The following BTG4 variants were observed in gnomAD, a reference collection of about 807,000 sequenced individuals.
BTG4 encodes the protein protein BTG4.
A neutral mutation model predicts 19.3 loss-of-function variants in BTG4; 10 were observed. The observed-to-expected ratio is 0.52, with a 90% confidence interval of 0.32 to 0.88. The LOEUF (loss-of-function observed/expected upper bound fraction) is 0.88. Ranked by LOEUF, BTG4 falls within the 40% of genes least tolerant of loss-of-function variation. The probability of loss-of-function intolerance (pLI) is 0.04; values close to 1 mark genes in which losing one functional copy is unlikely to be tolerated. For synonymous variants in BTG4, 91 were observed against 95.7 expected (o/e 0.95, Z 0.29); for missense variants, 238 against 281.9 (o/e 0.84, Z 1.11).
intron 1 of BTG4, among the ~76,000 whole-genome samples, chr11:111,500,857 T>C (rs983358770): frequency 6.6e-6 from 1 of 152,144 alleles, no homozygotes; most frequent in African/African-American, 2.4e-5. Flanking sequence ...AAGTACTCTT[T>C]TTCATTAATG....
the BTG4 span, among the ~76,000 whole-genome samples, chr11:111,419,788 C>T: frequency 2.0e-5 from 3 of 152,266 alleles, no homozygotes; most frequent in African/African-American, 4.8e-5. Context: ...ACCCTCCACA[C>T]AGCTTTTGCT....
In BTG4 at chr11:111,495,169, A is replaced by G. The variant is rs1381849554; in HGVS notation, c.656T>C (p.Leu219Pro). 6.3e-7 allele frequency: 1 copy of G among 1,592,782 alleles called. No individual in the cohort carries two copies. The highest frequency in any genetic ancestry group is 8.5e-7 in the Non-Finnish European group (1 of 1,171,168). Residue 219 changes from leucine to proline, a missense_variant, in exon 5 of 5, where the codon CTG becomes CCG. Transcript: ENST00000692032. ...TGTGTTGACCCAGTGGTACCTGTCC[A>G]GCCGGTGCATAGCAGGCCTGTAACA... ...PKCYRPAMHRLDRYHWVNTHR is the reference protein window; with the variant it reads ...PKCYRPAMHRPDRYHWVNTHR
chr11:111,513,945 C>T (rs1867121445), upstream of BTG4: 1 of 155,732 alleles, frequency 6.4e-6, no homozygotes, highest in African/African-American at 2.4e-5. Context: ...TTTATGATGT[C>T]CATCTCAGTT....
downstream of BTG4, among the ~76,000 whole-genome samples, chr11:111,491,021 C>T (rs552317150): frequency 6.6e-6 from 1 of 152,242 alleles, no homozygotes; most frequent in South Asian, 2.1e-4. Flanking sequence ...GTATCCATAC[C>T]ACGGAATACT....
chr11:111,431,841 T>G, the BTG4 span, among the ~76,000 whole-genome samples: 10 of 152,134 alleles, frequency 6.6e-5, no homozygotes, highest in Non-Finnish European at 2.9e-5. Context: ...CTTGCAGAGC[T>G]GGGGACACAT....
the BTG4 span, among the ~76,000 whole-genome samples, chr11:111,461,570 C>T: frequency 1.3e-5 from 2 of 152,232 alleles, no homozygotes; most frequent in South Asian, 2.1e-4. Context: ...AAATATTAGC[C>T]GGGTGTGGTG....
the BTG4 span, chr11:111,415,846 G>A: frequency 6.6e-6 from 1 of 152,176 alleles, no homozygotes; most frequent in African/African-American, 2.4e-5. Context: ...TCTGCCATCA[G>A]ACTGGACAAT....
rs1865800838 is a variant in BTG4, at chr11:111,497,331, G to A, written c.390C>T (p.Ile130=). The stretch of plus-strand genomic sequence containing the variant: ...ATGAGGCTCTACTAACGGCATAACT[G>A]ATTTGTTGATATAGTTCCCATTCCT... The part of the protein sequence containing the change: ...RWEEWELYQQ[I]SYAVSRASSD... The change falls in exon 4 of 5, where the codon ATC becomes ATT. Residue 130 remains isoleucine, a synonymous_variant. Coordinates refer to ENST00000692032, the MANE Select transcript of BTG4 (RefSeq NM_001367975.1). 6.3e-7 allele frequency: 1 copy of A among 1,576,554 alleles called. No individual in the cohort carries two copies. The highest frequency in any genetic ancestry group is 1.4e-5 in the African/African-American group (1 of 72,874).
the BTG4 span, chr11:111,454,251 C>G: frequency 3.1e-5 from 14 of 455,750 alleles, no homozygotes; most frequent in South Asian, 2.2e-4. Flanking sequence ...AGCTGGGAGG[C>G]TGAGGAGCAG....
chr11:111,410,803 A>G, the BTG4 span, among the ~76,000 whole-genome samples: 1 of 152,230 alleles, frequency 6.6e-6, no homozygotes, highest in Non-Finnish European at 1.5e-5. Flanking sequence ...AACAAAATCC[A>G]CAATTTTCCC....
the BTG4 span, chr11:111,417,309 C>G: frequency 2.0e-5 from 3 of 151,178 alleles, no homozygotes; most frequent in Non-Finnish European, 4.5e-5. Context: ...TTCTCTCTTC[C>G]TCTTCCTCTT....
At chr11:111,407,439 G>T in the BTG4 span, among the ~76,000 whole-genome samples, 5 of 152,190 alleles carry the variant, frequency 3.3e-5, no homozygotes, top group African/African-American at 7.2e-5. Context: ...GGGAGGCCAA[G>T]GCAGGTGGAT....
At chr11:111,451,294 G>A in the BTG4 span, 42 of 391,718 alleles carry the variant, frequency 1.1e-4, no homozygotes, top group East Asian at 3.0e-3. Flanking sequence ...CGGCGCTTCC[G>A]GGCCCTGGCT....
chr11:111,484,241 A>G (rs541153186), intron 5 of BTG4, among the ~76,000 whole-genome samples: 1 of 152,324 alleles, frequency 6.6e-6, no homozygotes, highest in Non-Finnish European at 1.5e-5. Context: ...ATCTGAAAAA[A>G]AGGGATGTTA....
At chr11:111,406,513 T>G in the BTG4 span, among the ~76,000 whole-genome samples, 1 of 152,230 alleles carries the variant, frequency 6.6e-6, no homozygotes. Context: ...ACCCAATTTT[T>G]CTTACTTTAA....
At chr11:111,497,868 A>T in intron 3 of BTG4, 130 bp downstream of exon 3, 1 of 1,032,022 alleles carries the variant, frequency 9.7e-7, no homozygotes, top group Non-Finnish European at 1.4e-6. Flanking sequence ...TTGCATCTAA[A>T]ATCTTAACCA....
intron 1 of BTG4, chr11:111,507,888 A>T (rs1041575393): frequency 6.6e-6 from 1 of 152,164 alleles, no homozygotes; most frequent in Middle Eastern, 3.1e-3. Context: ...CAGCCAGCAG[A>T]CCTTTCTTGG....
chr11:111,406,650 TG>T, the BTG4 span, among the ~76,000 whole-genome samples: 2 of 152,166 alleles, frequency 1.3e-5, no homozygotes, highest in African/African-American at 4.8e-5. Context: ...GGACCAGAAA[TG>T]AGCAGGAGGC....
chr11:111,500,128 C>T (rs1865976876), intron 1 of BTG4, among the ~76,000 whole-genome samples: 1 of 150,812 alleles, frequency 6.6e-6, no homozygotes, highest in Non-Finnish European at 1.5e-5. Context: ...GGTGACAGAG[C>T]AAGACTCCGT....
Sources: allele counts gnomAD v4.1 joint callset (sites outside exome capture counted in the v4.1 genomes callset), GRCh38; gene constraint gnomAD v4.1.1; transcripts MANE v1.5; gene names NCBI Gene and HGNC (gene_info 2026-07-23, HGNC 2026-07-21).